The following DLC1 variants were observed in gnomAD, a reference collection of about 807,000 sequenced individuals.
DLC1 encodes the protein DLC1 Rho GTPase activating protein, also known as rho GTPase-activating protein 7.
Under a neutral mutation model 140.3 loss-of-function variants are expected in DLC1, and 54 were observed. The ratio of observed to expected loss-of-function variants is 0.38; its 90% confidence interval spans 0.31 to 0.48. The LOEUF is 0.48. Ranked by LOEUF, DLC1 falls within the 20% of genes least tolerant of loss-of-function variation. The pLI is 0.96. For missense variants in DLC1, 2,536 were observed against 1,907.0 expected (o/e 1.33, Z -6.14); for synonymous variants, 986 against 728.1 (o/e 1.35, Z -5.70).
chr8:13,464,746 T>TTA (rs1177098652), intron 2 of DLC1, among the ~76,000 whole-genome samples: 14 of 130,928 alleles, frequency 1.1e-4, no homozygotes, highest in African/African-American at 3.8e-4. Flanking sequence ...GAATTTTAAA[T>TTA]TATATATATA....
At chr8:13,236,400 A>G (rs919300549) in intron 5 of DLC1, among the ~76,000 whole-genome samples, 29 of 152,206 alleles carry the variant, frequency 1.9e-4, no homozygotes, top group African/African-American at 7.0e-4. Flanking sequence ...ATGAGATTCT[A>G]TCTGTTCCTC....
At chr8:13,198,717 A>G (rs967666257) in intron 5 of DLC1, among the ~76,000 whole-genome samples, 2 of 148,602 alleles carry the variant, frequency 1.3e-5, no homozygotes, top group Middle Eastern at 3.5e-3. Context: ...ACTCCTTGGC[A>G]TGGCTTTTTT....
intron 1 of DLC1, among the ~76,000 whole-genome samples, chr8:13,583,086 C>G (rs1323863927): frequency 1.3e-5 from 2 of 151,160 alleles, no homozygotes; most frequent in Admixed American, 6.6e-5. Flanking sequence ...TGGTGGTGGC[C>G]GAAAGTTGAG....
intron 5 of DLC1, among the ~76,000 whole-genome samples, chr8:13,127,971 G>A (rs1352093044): frequency 6.6e-6 from 1 of 152,048 alleles, no homozygotes; most frequent in Non-Finnish European, 1.5e-5. Context: ...GACACCAAAA[G>A]GCACCAAGTA....
intron 1 of DLC1, among the ~76,000 whole-genome samples, chr8:13,553,451 A>G (rs1803934716): frequency 6.6e-6 from 1 of 151,012 alleles, no homozygotes; most frequent in Admixed American, 6.6e-5. Context: ...TATTAACACA[A>G]TCCTCTCTTG....
In DLC1 at chr8:13,547,194, A is replaced by G. The variant is rs973626329; in HGVS notation, c.-125-46998T>C. 2.6e-5 allele frequency among the ~76,000 whole-genome samples: 4 copies of G among 152,056 alleles called. No individual in the cohort carries two copies. The East Asian group carries it at 7.7e-4, about 29-fold the overall frequency. Reference sequence around the variant, plus strand: ...GAAACAATAGTATTTTCAATTTAGAACTCATAATAAACAACTGAACAATTT... The same window carrying G: ...GAAACAATAGTATTTTCAATTTAGAGCTCATAATAAACAACTGAACAATTT... On this transcript the variant is annotated intron_variant, in intron 1 of 1. Transcript: ENST00000631382.
intron 2 of DLC1, among the ~76,000 whole-genome samples, chr8:13,453,574 T>TTC (rs1457492614): frequency 8.9e-5 from 10 of 112,580 alleles, no homozygotes; most frequent in African/African-American, 3.7e-4. Context: ...TTTTTTTTTT[T>TTC]CAGATAGAAA....
intron 16 of DLC1, among the ~76,000 whole-genome samples, chr8:13,087,569 G>A (rs1817667090): frequency 6.6e-6 from 1 of 152,234 alleles, no homozygotes; most frequent in African/African-American, 2.4e-5. Context: ...AAGGACTGCT[G>A]AATGAGGAAC....
Position 13,083,800 on chromosome 8 carries a change from A to G in DLC1, c.*2011T>C, listed in dbSNP as rs1317906392. ...TGGCCTTGGAATGATTTGCAGTCCG[A>G]TTTTTCCTTCAGCAAATCGCTCTTT... On this transcript the variant is annotated 3_prime_UTR_variant, in exon 18 of 18. Transcript: ENST00000276297. 1.3e-5 allele frequency: 2 copies of G among 152,506 alleles called. No individual in the cohort carries two copies. Among genetic ancestry groups the G allele is most frequent in the Non-Finnish European group, 2.9e-5 (2 of 68,028 alleles). 9.4% of individuals were successfully genotyped at this position (152,506 alleles called of 1,614,324 possible). A position where few individuals can be genotyped will look rare whatever the true frequency, so the allele number is the denominator to read the frequency against.
chr8:13,561,320 G>A (rs1804235570), intron 1 of DLC1, among the ~76,000 whole-genome samples: 1 of 151,940 alleles, frequency 6.6e-6, no homozygotes, highest in Non-Finnish European at 1.5e-5. Context: ...TGGTGCAACT[G>A]CAGCCACACC....
At chr8:13,415,092 G>A (rs28650967) in intron 2 of DLC1, among the ~76,000 whole-genome samples, 3,859 of 152,116 alleles carry the variant, frequency 0.025, 166 homozygotes, top group African/African-American at 0.086. Context: ...GATTATGGGC[G>A]TGAGCCACTG....
chr8:13,120,047 T>C (rs1464661354), intron 5 of DLC1, among the ~76,000 whole-genome samples: 1 of 151,748 alleles, frequency 6.6e-6, no homozygotes, highest in Non-Finnish European at 1.5e-5. Flanking sequence ...CCTTTAAAAA[T>C]ACTGTATGTA....
chr8:13,229,427 T>C (rs1406314121), intron 5 of DLC1, among the ~76,000 whole-genome samples: 1 of 152,108 alleles, frequency 6.6e-6, no homozygotes, highest in Non-Finnish European at 1.5e-5. Context: ...TGCTTAGGAC[T>C]CAGTTGGGGG....
At position 13,128,772 on chromosome 8, in the gene DLC1, T is replaced by C. The variant is rs540647150; in HGVS notation, c.1349-13115A>G. 5.3e-5 allele frequency among the ~76,000 whole-genome samples: 8 copies of C among 151,814 alleles called. No homozygotes were observed. The South Asian group carries it at 1.5e-3, about 28-fold the overall frequency. On this transcript the variant is annotated intron_variant, in intron 5 of 17. Coordinates refer to ENST00000276297, the MANE Select transcript of DLC1 (RefSeq NM_182643.3). Reference sequence around the variant, plus strand: ...ATGGCGTGAACCCGGGAGGCGGAGCTTGCAGTGAGCCAAGATTGCGCCACT... The same window carrying C: ...ATGGCGTGAACCCGGGAGGCGGAGCCTGCAGTGAGCCAAGATTGCGCCACT...
At chr8:13,109,374 C>T (rs11985350) in intron 7 of DLC1, among the ~76,000 whole-genome samples, 11,817 of 151,506 alleles carry the variant, frequency 0.078, 1,376 homozygotes, top group African/African-American at 0.25. Flanking sequence ...CTGAGCAACA[C>T]AGCAAGACCG....
chr8:13,214,060 A>G (rs1828072487), intron 5 of DLC1, among the ~76,000 whole-genome samples: 1 of 152,176 alleles, frequency 6.6e-6, no homozygotes. Flanking sequence ...TTGGGTTTAC[A>G]GGTGTGAGCC....
intron 4 of DLC1, among the ~76,000 whole-genome samples, chr8:13,351,291 T>G (rs1231517387): frequency 1.3e-5 from 2 of 152,204 alleles, no homozygotes; most frequent in African/African-American, 4.8e-5. Flanking sequence ...ATGAAGACAC[T>G]GAAGCACAAA....
chr8:13,500,058 A>G lies in DLC1; in HGVS notation c.14T>C (p.Ile5Thr), dbSNP rs1277474458. The G allele has an allele frequency of 6.2e-7, 1 of 1,613,624 alleles. No homozygotes were observed. Among genetic ancestry groups the G allele is most frequent in the Non-Finnish European group, 8.5e-7 (1 of 1,179,684 alleles). ...ATGTTCTTCCCAGCTTCTCTTTCTG[A>G]TAGCTACAGACATGTCATCGTAGTT... MSVA[I>T]RKRSWEEHVT... The change falls in exon 2 of 18, where the codon ATC (isoleucine) becomes ACC (threonine). Residue 5 changes from isoleucine (I) to threonine (T), a missense_variant. Transcript: ENST00000276297.
At chr8:13,498,025 T>C (rs993617519) in intron 2 of DLC1, among the ~76,000 whole-genome samples, 4 of 152,152 alleles carry the variant, frequency 2.6e-5, no homozygotes, top group African/African-American at 9.7e-5. Context: ...TTCTCTCTCA[T>C]GGTAGATAGC....
Sources: gnomAD v4.1 joint callset for allele counts (sites outside exome capture counted in the v4.1 genomes callset) on GRCh38, gnomAD v4.1.1 for gene constraint, MANE v1.5 for transcripts, NCBI Gene and HGNC (gene_info 2026-07-23, HGNC 2026-07-21) for gene names.